The following ZBTB46 variants were observed in gnomAD, a reference collection of about 807,000 sequenced individuals.
ZBTB46 encodes the protein zinc finger and BTB domain containing 46.
In ZBTB46, 8 loss-of-function variants were observed where a neutral mutation model predicts 44.1. The observed-to-expected ratio is 0.18, with a 90% confidence interval of 0.11 to 0.33. The LOEUF is 0.33. Ranked by LOEUF, ZBTB46 falls within the 10% of genes least tolerant of loss-of-function variation. ZBTB46 has a pLI of 1.00. For synonymous variants in ZBTB46, 409 were observed against 382.3 expected (o/e 1.07, Z -0.81); for missense variants, 651 against 847.7 (o/e 0.77, Z 2.88).
chr20:63,815,580 G>A (rs1422961719), intron 1 of ZBTB46, among the ~76,000 whole-genome samples: 4 of 134,736 alleles, frequency 3.0e-5, no homozygotes, highest in African/African-American at 1.1e-4. Context: ...ACAGGTGCAG[G>A]TGAGCACAGG....
At chr20:63,779,219 AT>A (rs772832784) in intron 2 of ZBTB46, among the ~76,000 whole-genome samples, 5 of 102,010 alleles carry the variant, frequency 4.9e-5, no homozygotes, top group South Asian at 3.6e-4. Flanking sequence ...ACCCAATTTT[AT>A]TTTATTTAAT....
At chr20:63,769,252 G>A in intron 3 of ZBTB46, 1 of 985,442 alleles carries the variant, frequency 1.0e-6, no homozygotes, top group Non-Finnish European at 1.2e-6. Context: ...TGTCTTACCT[G>A]AGCTGGGGGA....
At chr20:63,815,536 CCAGTGGGTGCAGGTG>C (rs6147414) in intron 1 of ZBTB46, among the ~76,000 whole-genome samples, 20,742 of 95,400 alleles carry the variant, frequency 0.22, 2,167 homozygotes, top group East Asian at 0.49. Flanking sequence ...GGGCACAGGT[CCAGTGGGTGCAGGTG>C]CAGTGGGTGC....
chr20:63,830,353 G>C (rs1427958683), intron 1 of ZBTB46, among the ~76,000 whole-genome samples: 19 of 151,916 alleles, frequency 1.3e-4, no homozygotes, highest in Non-Finnish European at 5.9e-5. Flanking sequence ...GAGAAACAAA[G>C]ACGCGGCTCG....
chr20:63,752,178 T>G lies in ZBTB46; in HGVS notation c.1398+508A>C, dbSNP rs1044131034. Reference sequence around the variant, plus strand: ...TTGAGATGCCCTCGCCAGGCCTTTTTTGGCAAATCTGCCTCCCTGTTCCCA... The same window carrying G: ...TTGAGATGCCCTCGCCAGGCCTTTTGTGGCAAATCTGCCTCCCTGTTCCCA... On this transcript the variant is annotated intron_variant, in intron 4 of 4. Transcript: ENST00000245663. This position sits in a 1 kb window ranked among gnomAD's most constrained non-coding sequence, Gnocchi z 5.6. 6.6e-6 allele frequency among the ~76,000 whole-genome samples: 1 copy of G among 152,142 alleles called. No homozygotes were observed. Among genetic ancestry groups the G allele is most frequent in the East Asian group, 1.9e-4 (1 of 5,176 alleles).
chr20:63,772,758 CA>C (rs1568850381), intron 3 of ZBTB46, among the ~76,000 whole-genome samples: 5,240 of 69,310 alleles, frequency 0.076, 119 homozygotes, highest in African/African-American at 0.099. Context: ...CACACACACA[CA>C]CACACACAGA....
Position 63,747,086 on chromosome 20 carries a change from A to T in ZBTB46, c.1614T>A (p.Pro538=). 1 of 1,609,252 alleles carries T rather than the reference A, an allele frequency of 6.2e-7. No individual in the cohort carries two copies. The highest frequency in any genetic ancestry group is 1.3e-5 in the African/African-American group (1 of 74,912). Residue 538 remains proline (P), a synonymous_variant, in exon 5 of 5, where the codon CCT becomes CCA. Coordinates refer to ENST00000245663, the MANE Select transcript of ZBTB46 (RefSeq NM_001369741.1). ...CCTCCGCCTCCCCTCGTGGGTCCTC[A>T]GGGTCCTCCAGATAGGGCCCGTCGC... ...FPGDGPYLED[P]EDPRGEAEEL...
chr20:63,747,545 T>G (rs554623517), intron 4 of ZBTB46, among the ~76,000 whole-genome samples: 479 of 7,994 alleles, frequency 0.06, 3 homozygotes, highest in African/African-American at 0.094. Flanking sequence ...GTGGGGGGGG[T>G]GCGGGGGTGA....
At chr20:63,753,011 C>G in intron 3 of ZBTB46, 150 bp from the exon 4 acceptor site, 1 of 781,230 alleles carries the variant, frequency 1.3e-6, no homozygotes, top group Non-Finnish European at 1.9e-6. Context: ...TGCGACAGGC[C>G]AGGCTCCCCC....
In ZBTB46 at chr20:63,803,815, C is replaced by A. The variant is rs1243958213; in HGVS notation, c.-33-13025G>T. Among the ~76,000 whole-genome samples the A allele has an allele frequency of 6.6e-6, 1 of 152,214 alleles. No individual in the cohort carries two copies. The highest frequency in any genetic ancestry group is 2.4e-5 in the African/African-American group (1 of 41,444). ...CTCAACCTCCCAGGCTCAAGGCATC[C>A]TCCCACATCAGCCTCCTGAGCAGCT... On this transcript the variant is annotated intron_variant, in intron 1 of 4. Coordinates refer to ENST00000245663, the MANE Select transcript of ZBTB46 (RefSeq NM_001369741.1). This position sits in a 1 kb window ranked among gnomAD's most constrained non-coding sequence, Gnocchi z 4.0.
intron 1 of ZBTB46, among the ~76,000 whole-genome samples, chr20:63,801,761 C>A (rs77803630): frequency 6.6e-6 from 1 of 152,106 alleles, no homozygotes; most frequent in Non-Finnish European, 1.5e-5. Flanking sequence ...TAACACTCAC[C>A]GCGAGAGTCC....
At chr20:63,827,533 G>A (rs796856408) in intron 1 of ZBTB46, among the ~76,000 whole-genome samples, 7 of 151,338 alleles carry the variant, frequency 4.6e-5, no homozygotes, top group East Asian at 1.9e-4. Context: ...GCGTGAACCC[G>A]GGAAGCGGAG....
At chr20:63,779,122 C>A (rs1203553015) in intron 2 of ZBTB46, among the ~76,000 whole-genome samples, 2 of 152,186 alleles carry the variant, frequency 1.3e-5, no homozygotes, top group Non-Finnish European at 2.9e-5. Flanking sequence ...TCAAGGCCCT[C>A]CCCAGACGCA....
rs140304355 is a variant in ZBTB46, at chr20:63,807,305, T to C, written c.-33-16515A>G. ...GAACTTTTCTTTCATTGGAAGTTTT[T>C]TGACTACTGATTCTTTATTTGTTAT... On this transcript the variant is annotated intron_variant, in intron 1 of 4. Transcript: ENST00000245663. Among the ~76,000 whole-genome samples the C allele has an allele frequency of 7.2e-3, 1,090 of 152,312 alleles. 5 individuals carry two copies. The highest frequency in any genetic ancestry group is 0.024 in the African/African-American group (1,017 of 41,556).
chr20:63,779,721 C>T (rs1256735980), intron 2 of ZBTB46, among the ~76,000 whole-genome samples: 1 of 151,302 alleles, frequency 6.6e-6, no homozygotes, highest in Admixed American at 6.6e-5. Context: ...CGCGCCCGGC[C>T]GCTAATTTTT....
At position 63,767,162 on chromosome 20, in the gene ZBTB46, C is replaced by T. The variant is rs1165849039; in HGVS notation, c.1222+8516G>A. On this transcript the variant is annotated intron_variant, in intron 3 of 4. Transcript: ENST00000245663. The surrounding 1 kb of genome is among the most constrained non-coding windows in gnomAD (Gnocchi z 5.0). ...TGGAGCGCCGCGCACATGCCAGGCA[C>T]ACACCGCCAAGGACGCCGTGGCAGG... is the stretch of plus-strand genomic sequence containing the variant. Among the ~76,000 whole-genome samples the T allele has an allele frequency of 1.3e-5, 2 of 152,230 alleles. No individual in the cohort carries two copies. The highest frequency in any genetic ancestry group is 2.9e-5 in the Non-Finnish European group (2 of 68,038).
intron 1 of ZBTB46, among the ~76,000 whole-genome samples, chr20:63,810,346 C>A (rs2092710604): frequency 1.3e-5 from 2 of 152,156 alleles, no homozygotes; most frequent in African/African-American, 4.8e-5. Flanking sequence ...AGAAGTTTAT[C>A]AGAAATTAAC....
chr20:63,832,133 C>A (rs541854842), upstream of ZBTB46, among the ~76,000 whole-genome samples: 8 of 152,020 alleles, frequency 5.3e-5, no homozygotes, highest in African/African-American at 1.9e-4. This position sits in a 1 kb window ranked among gnomAD's most constrained non-coding sequence, Gnocchi z 5.0. Flanking sequence ...CGGCCCGGGC[C>A]TCGCCCCAGC....
At chr20:63,830,761 G>C (rs2092845796) in intron 1 of ZBTB46, among the ~76,000 whole-genome samples, 1 of 146,322 alleles carries the variant, frequency 6.8e-6, no homozygotes, top group Admixed American at 6.7e-5. Context: ...GGAGGTGCCG[G>C]GGGCCGAGGG....
Sources: gnomAD v4.1 joint callset for allele counts (sites outside exome capture counted in the v4.1 genomes callset) on GRCh38, gnomAD v4.1.1 for gene constraint, Gnocchi (gnomAD v3.1) non-coding constraint, MANE v1.5 for transcripts, NCBI Gene and HGNC (gene_info 2026-07-23, HGNC 2026-07-21) for gene names.